Variants in ATP6V1A observed in about 807,000 individuals in gnomAD.
The protein encoded by ATP6V1A is V-type proton ATPase catalytic subunit A.
Under a neutral mutation model 70.1 loss-of-function variants are expected in ATP6V1A, and 18 were observed. That is an observed-to-expected ratio of 0.26 (90% confidence interval 0.18 to 0.38). ATP6V1A has a LOEUF of 0.38. Ranked by LOEUF, ATP6V1A falls within the 10% of genes least tolerant of loss-of-function variation. ATP6V1A has a pLI of 1.00. For missense variants in ATP6V1A, 424 were observed against 772.4 expected (o/e 0.55, Z 5.35); for synonymous variants, 232 against 253.8 (o/e 0.91, Z 0.82).
rs1206591270 is a variant in ATP6V1A, at chr3:113,785,675, AT to A, written c.565-545del. On this transcript the variant is annotated intron_variant, in intron 5 of 14. Coordinates refer to ENST00000273398, the MANE Select transcript of ATP6V1A (RefSeq NM_001690.4). ...GGGCACATGCCACCATGCCCAGTTA[AT>A]TTTTTTTTTTTGAGATGGACTCTTG... 2.4e-3 allele frequency among the ~76,000 whole-genome samples: 331 copies of A among 140,792 alleles called. 4 individuals are homozygous for A. In the Middle Eastern group the frequency reaches 0.035, roughly 15 times the overall value. The allele number at this position is 140,792 out of a possible 152,430, so 92.4% of individuals were successfully genotyped here.
intron 11 of ATP6V1A, among the ~76,000 whole-genome samples, chr3:113,796,780 A>T (rs906413674): frequency 1.7e-4 from 26 of 152,250 alleles, no homozygotes; most frequent in African/African-American, 5.8e-4. Context: ...ACGTTTGCTA[A>T]AATTTTGAGT....
intron 11 of ATP6V1A, 111 bp downstream of exon 11, chr3:113,796,050 A>G: frequency 2.1e-6 from 2 of 930,858 alleles, no homozygotes; most frequent in Non-Finnish European, 3.2e-6. Context: ...TTTAGTCTCT[A>G]AAGGATAGGC....
In ATP6V1A at chr3:113,810,005, G is replaced by A. The variant is rs1175479359; in HGVS notation, c.*578G>A. Reference sequence around the variant, plus strand: ...TCAGGAATGTTTGTGAGAAACCATTGGGAACTATACTCTTTTTATTTTTAT... The same window carrying A: ...TCAGGAATGTTTGTGAGAAACCATTAGGAACTATACTCTTTTTATTTTTAT... On this transcript the variant is annotated 3_prime_UTR_variant, in exon 15 of 15. Coordinates refer to ENST00000273398, the MANE Select transcript of ATP6V1A (RefSeq NM_001690.4). The A allele has an allele frequency of 6.6e-6, 1 of 151,792 alleles. No homozygotes were observed. Among genetic ancestry groups the A allele is most frequent in the African/African-American group, 2.4e-5 (1 of 41,328 alleles). The allele number at this position is 151,792 out of a possible 1,614,324, so 9.4% of individuals were successfully genotyped here.
chr3:113,753,338 G>A (rs1046060236), intron 1 of ATP6V1A, among the ~76,000 whole-genome samples: 1 of 152,152 alleles, frequency 6.6e-6, no homozygotes, highest in Non-Finnish European at 1.5e-5. Context: ...AAATGCTAGC[G>A]GAGATGTGAA....
At chr3:113,796,992 A>G (rs940839046) in intron 11 of ATP6V1A, among the ~76,000 whole-genome samples, 1 of 151,750 alleles carries the variant, frequency 6.6e-6, no homozygotes, top group East Asian at 1.9e-4. Flanking sequence ...CTGGAGTGCA[A>G]TGGCACAAAC....
In ATP6V1A at chr3:113,766,120, A is replaced by G. The variant is rs146755115; in HGVS notation, c.-13-12621A>G. On this transcript the variant is annotated intron_variant, in intron 1 of 14. Coordinates refer to ENST00000273398, the MANE Select transcript of ATP6V1A (RefSeq NM_001690.4). ...TTGCTGTAACAAATTGCCATAGACT[A>G]TGTGACTTAAACAGCAACATTTCTC... Among the ~76,000 whole-genome samples the G allele has an allele frequency of 5.9e-3, 897 of 152,278 alleles. 12 individuals are homozygous for G. The highest frequency in any genetic ancestry group is 0.021 in the African/African-American group (853 of 41,554).
intron 1 of ATP6V1A, among the ~76,000 whole-genome samples, chr3:113,773,672 T>C (rs1008547393): frequency 6.6e-6 from 1 of 152,202 alleles, no homozygotes; most frequent in Non-Finnish European, 1.5e-5. Flanking sequence ...TCATAAACTT[T>C]AGAATACCGT....
At chr3:113,767,040 G>A (rs967040403) in intron 1 of ATP6V1A, among the ~76,000 whole-genome samples, 1 of 149,858 alleles carries the variant, frequency 6.7e-6, no homozygotes, top group Non-Finnish European at 1.5e-5. Context: ...TTAACATAAT[G>A]CCTGGAGTGT....
At chr3:113,748,661 A>G (rs1277993198) in intron 1 of ATP6V1A, among the ~76,000 whole-genome samples, 1 of 152,244 alleles carries the variant, frequency 6.6e-6, no homozygotes, top group Non-Finnish European at 1.5e-5. Flanking sequence ...AAGTATTTTT[A>G]TAGTAAGTGC....
chr3:113,794,282 G>A (rs546463606), intron 8 of ATP6V1A, among the ~76,000 whole-genome samples: 1 of 152,196 alleles, frequency 6.6e-6, no homozygotes, highest in Non-Finnish European at 1.5e-5. Context: ...ATGTTTGTGT[G>A]TGTGTATGTG....
chr3:113,800,876 T>A (rs1191033269), intron 12 of ATP6V1A, among the ~76,000 whole-genome samples: 1 of 152,124 alleles, frequency 6.6e-6, no homozygotes, highest in Non-Finnish European at 1.5e-5. Context: ...ATGGACTGGC[T>A]GGGCATTGTG....
rs1383039332 is a variant in ATP6V1A at position 113,784,425 on chromosome 3, G to T, written c.413G>T (p.Cys138Phe). 1.9e-6 allele frequency: 3 copies of T among 1,610,934 alleles called. No individual in the cohort carries two copies. The highest frequency in any genetic ancestry group is 2.5e-6 in the Non-Finnish European group (3 of 1,177,870). ...SRDIKWDFTP[C>F]KNLRVGSHIT... ...GATATCAAATGGGACTTTACACCTT[G>T]CAAAAACCTACGGGTATGTCTGTGT... Residue 138 changes from cysteine (C) to phenylalanine (F), a missense_variant, in exon 4 of 15, where the codon TGC becomes TTC. Cys to Phe is a radical substitution (Grantham distance 205). Transcript: ENST00000273398.
chr3:113,748,439 T>C (rs1041937127), intron 1 of ATP6V1A, among the ~76,000 whole-genome samples: 1 of 152,228 alleles, frequency 6.6e-6, no homozygotes, highest in Non-Finnish European at 1.5e-5. Flanking sequence ...CCTTTCTTAA[T>C]ATGAAAAATT....
intron 12 of ATP6V1A, among the ~76,000 whole-genome samples, chr3:113,801,885 G>A (rs999304843): frequency 6.1e-5 from 9 of 148,710 alleles, no homozygotes; most frequent in African/African-American, 2.2e-4. Flanking sequence ...TTTACCTGTG[G>A]TTGAAGAGAG....
intron 1 of ATP6V1A, among the ~76,000 whole-genome samples, chr3:113,769,450 A>G (rs1018063725): frequency 6.6e-6 from 1 of 152,224 alleles, no homozygotes; most frequent in Non-Finnish European, 1.5e-5. Flanking sequence ...AACAAGTGTT[A>G]CATCAAAATA....
chr3:113,796,088 CTT>C (rs1709150823), intron 11 of ATP6V1A, 149 bp downstream of exon 11: 5 of 620,970 alleles, frequency 8.1e-6, no homozygotes, highest in East Asian at 6.1e-5. Context: ...TAGAAACACT[CTT>C]AACACAGAGC....
intron 1 of ATP6V1A, among the ~76,000 whole-genome samples, chr3:113,770,665 T>C (rs922391760): frequency 2.7e-5 from 4 of 150,028 alleles, no homozygotes; most frequent in African/African-American, 9.8e-5. Flanking sequence ...GGTAGCAGAC[T>C]GAGACTCTGT....
At position 113,773,012 on chromosome 3, in the gene ATP6V1A, A is replaced by G. The variant is rs563254631; in HGVS notation, c.-13-5729A>G. On this transcript the variant is annotated intron_variant, in intron 1 of 14. Transcript: ENST00000273398. The stretch of plus-strand genomic sequence containing the variant: ...GAGTGCAGTGGTGCGATCTCGGTTC[A>G]CTGCAGTCTCTGCCTCCTGGGTTCA... Among the ~76,000 whole-genome samples the G allele has an allele frequency of 5.5e-5, 7 of 126,990 alleles. No individual in the cohort carries two copies. In the East Asian group the frequency reaches 1.7e-3, roughly 31 times the overall value. 83.3% of individuals were successfully genotyped at this position (126,990 alleles called of 152,430 possible).
intron 1 of ATP6V1A, among the ~76,000 whole-genome samples, chr3:113,754,501 T>A (rs765974667): frequency 6.6e-6 from 1 of 151,534 alleles, no homozygotes; most frequent in Non-Finnish European, 1.5e-5. Context: ...GCCACTGCAC[T>A]CCAGCCTGGG....
Sources: gnomAD v4.1 joint callset for allele counts (sites outside exome capture counted in the v4.1 genomes callset) on GRCh38, gnomAD v4.1.1 for gene constraint, MANE v1.5 for transcripts, NCBI Gene and HGNC (gene_info 2026-07-23, HGNC 2026-07-21) for gene names.